HS3ST3B1: variants seen among roughly 807,000 people sequenced by gnomAD.
HS3ST3B1 encodes heparan sulfate glucosamine 3-O-sulfotransferase 3B1.
HS3ST3B1 carries 13 observed loss-of-function variants against 21.3 expected under a neutral mutation model. That is an observed-to-expected ratio of 0.61 (90% CI 0.40 to 0.97). HS3ST3B1 has a LOEUF of 0.97. Among genes scored for constraint, HS3ST3B1 ranks in the 50% least tolerant of loss-of-function variants. The pLI, the probability that HS3ST3B1 is intolerant of heterozygous loss-of-function variation, is 0.00. For synonymous variants in HS3ST3B1, 234 were observed against 254.8 expected (o/e 0.92, Z 0.78); for missense variants, 459 against 554.8 (o/e 0.83, Z 1.73).
At chr17:14,307,914 T>G (rs1465788482) in intron 1 of HS3ST3B1, among the ~76,000 whole-genome samples, 1 of 152,330 alleles carries the variant, frequency 6.6e-6, no homozygotes, top group Admixed American at 6.5e-5. Context: ...GCTGTTGGGA[T>G]AGTCAGGAAT....
rs755346446 is a variant in HS3ST3B1 at position 14,301,654 on chromosome 17, A to C, written c.136A>C (p.Met46Leu). The C allele has an allele frequency of 1.2e-6, 2 of 1,607,638 alleles. No individual in the cohort carries two copies. The highest frequency in any genetic ancestry group is 3.3e-5 in the Admixed American group (2 of 59,866). ...CGCCATGCTCTGCGTCTGGCTCTAT[A>C]TGTTCCTGTACTCGTGCGCCGGCTC... is the stretch of plus-strand genomic sequence containing the variant. ...LFAMLCVWLY[M>L]FLYSCAGSCA... The change falls in exon 1 of 2, where the codon ATG becomes CTG. Residue 46 changes from methionine (M) to leucine (L), a missense_variant. Coordinates refer to ENST00000360954, the MANE Select transcript of HS3ST3B1 (RefSeq NM_006041.3).
intron 1 of HS3ST3B1, among the ~76,000 whole-genome samples, chr17:14,335,771 G>T (rs1272486134): frequency 6.6e-6 from 1 of 152,110 alleles, no homozygotes; most frequent in Non-Finnish European, 1.5e-5. Flanking sequence ...CCCCAAAGCA[G>T]TGTCAAAACA....
chr17:14,320,731 C>T (rs1360201647), intron 1 of HS3ST3B1, among the ~76,000 whole-genome samples: 1 of 152,130 alleles, frequency 6.6e-6, no homozygotes, highest in Non-Finnish European at 1.5e-5. Context: ...TGCCTTTTGC[C>T]TGTCTGGAAG....
At chr17:14,305,951 G>T (rs141011567) in intron 1 of HS3ST3B1, among the ~76,000 whole-genome samples, 1 of 152,286 alleles carries the variant, frequency 6.6e-6, no homozygotes, top group Non-Finnish European at 1.5e-5. Context: ...CAGCTGGGAA[G>T]TACCAAAGCT....
chr17:14,320,729 G>C (rs1909634075), intron 1 of HS3ST3B1, among the ~76,000 whole-genome samples: 1 of 152,138 alleles, frequency 6.6e-6, no homozygotes, highest in South Asian at 2.1e-4. Context: ...GTTGCCTTTT[G>C]CCTGTCTGGA....
At chr17:14,325,000 C>G (rs770366216) in intron 1 of HS3ST3B1, among the ~76,000 whole-genome samples, 1 of 152,126 alleles carries the variant, frequency 6.6e-6, no homozygotes. Context: ...TAAGGTGGAC[C>G]CAGGAATTGT....
At chr17:14,311,090 A>T (rs1290151463) in intron 1 of HS3ST3B1, among the ~76,000 whole-genome samples, 1 of 148,336 alleles carries the variant, frequency 6.7e-6, no homozygotes, top group Admixed American at 6.8e-5. Flanking sequence ...TCTAACAAGG[A>T]TTTTTTTTTT....
chr17:14,308,724 T>C (rs1227718297), intron 1 of HS3ST3B1, among the ~76,000 whole-genome samples: 4 of 152,224 alleles, frequency 2.6e-5, no homozygotes, highest in African/African-American at 9.6e-5. Context: ...ATCAAGTTGA[T>C]TGTGTTTCAG....
At position 14,326,967 on chromosome 17, in the gene HS3ST3B1, A is replaced by T. The variant is rs954899092; in HGVS notation, c.555-18061A>T. Among the ~76,000 whole-genome samples the T allele has an allele frequency of 1.3e-5, 2 of 150,304 alleles. 1 individual carries two copies. The highest frequency in any genetic ancestry group is 3.9e-4 in the East Asian group (2 of 5,116). On this transcript the variant is annotated intron_variant, in intron 1 of 1. Coordinates refer to ENST00000360954, the MANE Select transcript of HS3ST3B1 (RefSeq NM_006041.3). ...AAAAAGAAGAAGAAGAAGAAGCTTC[A>T]GTTGTCCCGAGCACAACTTCTGGGT...
At chr17:14,318,214 C>T (rs868850928) in intron 1 of HS3ST3B1, among the ~76,000 whole-genome samples, 5 of 152,200 alleles carry the variant, frequency 3.3e-5, no homozygotes, top group East Asian at 1.9e-4. Context: ...TTCTCCAGCC[C>T]GATGGTGTGG....
Position 14,346,247 on chromosome 17 carries a change from CT to C in HS3ST3B1, c.*623del, listed in dbSNP as rs71352467. 0.073 allele frequency: 6,547 copies of C among 89,958 alleles called. 84 individuals are homozygous for C. The highest frequency in any genetic ancestry group is 0.18 in the East Asian group (534 of 2,906). 5.6% of individuals were successfully genotyped at this position (89,958 alleles called of 1,614,324 possible). A position where few individuals can be genotyped will look rare whatever the true frequency, so the allele number is the denominator to read the frequency against. On this transcript the variant is annotated 3_prime_UTR_variant, in exon 2 of 2. Transcript: ENST00000360954. ...AGGGACATCCACATCCTTTTTTTTTCTTTTTTTTTTTTTTTTTTTTTTGAGA... is the reference window on the plus strand; with the variant it reads ...AGGGACATCCACATCCTTTTTTTTTCTTTTTTTTTTTTTTTTTTTTTGAGA...
At chr17:14,321,768 G>A (rs749548982) in intron 1 of HS3ST3B1, among the ~76,000 whole-genome samples, 4 of 152,162 alleles carry the variant, frequency 2.6e-5, no homozygotes, top group African/African-American at 4.8e-5. Context: ...AATGAGGGCT[G>A]TGGTTTGGAG....
chr17:14,344,924 C>T lies in HS3ST3B1; in HGVS notation c.555-104C>T. ...TGCATTTTACATGTTTCTACCACTG[C>T]TTCCAGAAATAAGAGGGAGCTGGGA... On this transcript the variant is annotated intron_variant, in intron 1 of 1. Coordinates refer to ENST00000360954, the MANE Select transcript of HS3ST3B1 (RefSeq NM_006041.3). The T allele has an allele frequency of 6.2e-6, 9 of 1,461,384 alleles. No homozygotes were observed. In the South Asian group the frequency reaches 1.3e-4, roughly 21 times the overall value. The allele number at this position is 1,461,384 out of a possible 1,614,324, so 90.5% of individuals were successfully genotyped here.
At chr17:14,334,635 A>T (rs1203034109) in intron 1 of HS3ST3B1, among the ~76,000 whole-genome samples, 2 of 152,182 alleles carry the variant, frequency 1.3e-5, no homozygotes. Flanking sequence ...ATTATCACCC[A>T]AAGTTCATAG....
Position 14,337,582 on chromosome 17 carries a change from C to G in HS3ST3B1, c.555-7446C>G, listed in dbSNP as rs144806913. Among the ~76,000 whole-genome samples the G allele has an allele frequency of 0.011, 1,737 of 151,452 alleles. 47 individuals are homozygous for G. In the East Asian group the frequency reaches 0.12, roughly 11 times the overall value. ...TGAACTCCTGGCCTCAGGTAATCTG[C>G]CCACCTCAGCCTCCAAAGTGCTGGG... On this transcript the variant is annotated intron_variant, in intron 1 of 1. Transcript: ENST00000360954.
intron 1 of HS3ST3B1, among the ~76,000 whole-genome samples, chr17:14,325,224 T>C (rs886874485): frequency 1.3e-5 from 2 of 152,242 alleles, no homozygotes; most frequent in Admixed American, 1.3e-4. Flanking sequence ...AAGAAGCACA[T>C]GGTTAATCCA....
intron 1 of HS3ST3B1, among the ~76,000 whole-genome samples, chr17:14,332,267 G>T (rs1356451363): frequency 6.6e-6 from 1 of 152,078 alleles, no homozygotes; most frequent in Non-Finnish European, 1.5e-5. Flanking sequence ...AGTAGTTTAG[G>T]CCATGCTTGC....
chr17:14,316,224 T>G (rs1315809228), intron 1 of HS3ST3B1, among the ~76,000 whole-genome samples: 1 of 152,130 alleles, frequency 6.6e-6, no homozygotes. Flanking sequence ...TCAAACCTAA[T>G]ATGTCTGCAC....
intron 1 of HS3ST3B1, among the ~76,000 whole-genome samples, chr17:14,331,303 C>T (rs1910004121): frequency 6.6e-6 from 1 of 151,992 alleles, no homozygotes; most frequent in Non-Finnish European, 1.5e-5. Flanking sequence ...CCTCCACCCC[C>T]ACCCCCAGCC....
Sources: gnomAD v4.1 joint callset for allele counts (sites outside exome capture counted in the v4.1 genomes callset) on GRCh38, gnomAD v4.1.1 for gene constraint, MANE v1.5 for transcripts, NCBI Gene and HGNC (gene_info 2026-07-23, HGNC 2026-07-21) for gene names.